The following POLI variants were observed in gnomAD, a reference collection of about 807,000 sequenced individuals.
The protein encoded by POLI is DNA polymerase iota, also known as RAD30 homolog B.
In POLI, 58 loss-of-function variants were observed where a neutral mutation model predicts 51.6. The ratio of observed to expected loss-of-function variants is 1.12; its 90% confidence interval spans 0.91 to 1.40. POLI has a LOEUF of 1.40. Among genes scored for constraint, POLI ranks in the 40% most tolerant of loss-of-function variants. The probability of loss-of-function intolerance (pLI) is 0.00; values close to 1 mark genes in which losing one functional copy is unlikely to be tolerated. For missense variants in POLI, 921 were observed against 871.3 expected (o/e 1.06, Z -0.72); for synonymous variants, 322 against 299.7 (o/e 1.07, Z -0.77).
In POLI at chr18:54,309,084, T is replaced by C. The variant is rs2088632554; in HGVS notation, c.334-11189T>C. On this transcript the variant is annotated intron_variant, in intron 3 of 4. Transcript: ENST00000579823. The stretch of plus-strand genomic sequence containing the variant: ...ACCAACTTTCTGAAGCCTACTTCTG[T>C]CAACTCGTCAAAGTCATTCTCCCTC... 1.3e-5 allele frequency among the ~76,000 whole-genome samples: 2 copies of C among 152,240 alleles called. 1 individual carries two copies. The highest frequency in any genetic ancestry group is 2.9e-5 in the Non-Finnish European group (2 of 68,040).
chr18:54,286,534 CT>C (rs977335566), intron 7 of POLI, among the ~76,000 whole-genome samples: 4 of 151,442 alleles, frequency 2.6e-5, no homozygotes, highest in East Asian at 1.9e-4. Context: ...AAAAAAAAAT[CT>C]TTTTTTTGGT....
chr18:54,317,907 GA>G, intron 3 of POLI, among the ~76,000 whole-genome samples: 1 of 152,164 alleles, frequency 6.6e-6, no homozygotes, highest in Middle Eastern at 3.4e-3. Flanking sequence ...TGAAGATTAA[GA>G]ATTTTTTAGA....
chr18:54,282,758 ATATATT>A, intron 5 of POLI, 73 bp from the exon 6 acceptor site: 1 of 750,102 alleles, frequency 1.3e-6, no homozygotes, highest in Non-Finnish European at 2.1e-6. Flanking sequence ...GATAAGATTG[ATATATT>A]TATAATATTT....
downstream of POLI, among the ~76,000 whole-genome samples, chr18:54,302,292 A>G (rs1409888548): frequency 1.3e-5 from 2 of 152,184 alleles, no homozygotes; most frequent in Non-Finnish European, 2.9e-5. Flanking sequence ...TACTCATTTA[A>G]TCTTCCTGTT....
chr18:54,280,611 G>T (rs903879485), intron 4 of POLI, 56 bp from the exon 5 acceptor site: 1 of 1,168,690 alleles, frequency 8.6e-7, no homozygotes, highest in Non-Finnish European at 1.3e-6. Flanking sequence ...AAATTATTTT[G>T]TGAAAAAGAA....
In POLI at chr18:54,295,656, C is replaced by G; in HGVS notation, c.*1189C>G. On this transcript the variant is annotated 3_prime_UTR_variant, in exon 10 of 10. Transcript: ENST00000579534. ...TCTTTTTTTGTTTTGGAGACAGAGT[C>G]TCACTCTGTCGCCCAGGGTGGAGTA... is the stretch of plus-strand genomic sequence containing the variant. The G allele has an allele frequency of 1.8e-5, 8 of 432,446 alleles. No homozygotes were observed. The highest frequency in any genetic ancestry group is 2.2e-5 in the African/African-American group (1 of 46,296). 26.8% of individuals were successfully genotyped at this position (432,446 alleles called of 1,614,324 possible).
At position 54,280,749 on chromosome 18, in the gene POLI, T is replaced by G. The variant is rs763840371; in HGVS notation, c.642T>G (p.Asn214Lys). 3.1e-6 allele frequency: 5 copies of G among 1,613,872 alleles called. No homozygotes were observed. The highest frequency in any genetic ancestry group is 3.4e-6 in the Non-Finnish European group (4 of 1,179,768). Residue 214 changes from asparagine to lysine, a missense_variant, in exon 5 of 10, where the codon AAT (asparagine) becomes AAG (lysine). Physicochemically the swap from Asn to Lys is moderately conservative, Grantham distance 94. Coordinates refer to ENST00000579534, the MANE Select transcript of POLI (RefSeq NM_007195.3). ...CAGAGATGCGGGAAGCCATGTATAA[T>G]CAGTTGGGGCTCACTGGCTGTGCTG... The part of the protein sequence containing the change: ...IAAEMREAMY[N>K]QLGLTGCAGV...
At chr18:54,287,677 T>C in intron 8 of POLI, 1 of 229,944 alleles carries the variant, frequency 4.3e-6, no homozygotes, top group Non-Finnish European at 8.7e-6. Flanking sequence ...TCTCCCAGGC[T>C]CAAACAATTC....
chr18:54,280,811 C>A lies in POLI; in HGVS notation c.704C>A (p.Ser235Tyr). ...AATAAACTGTTGGCAAAATTAGTTT[C>A]TGGTGTCTTTAAACCAAATCAACAA... ...ASNKLLAKLV[S>Y]GVFKPNQQTV... Residue 235 changes from serine to tyrosine, a missense_variant, in exon 5 of 10, where the codon TCT (serine) becomes TAT (tyrosine). Transcript: ENST00000579534. 6.2e-7 allele frequency: 1 copy of A among 1,613,742 alleles called. No homozygotes were observed. Among genetic ancestry groups the A allele is most frequent in the Non-Finnish European group, 8.5e-7 (1 of 1,179,720 alleles).
intron 3 of POLI, among the ~76,000 whole-genome samples, chr18:54,310,035 G>A (rs554678981): frequency 6.6e-6 from 1 of 152,296 alleles, no homozygotes; most frequent in African/African-American, 2.4e-5. Context: ...CCGGCCCCTT[G>A]TGCTTCCCAG....
intron 5 of POLI, among the ~76,000 whole-genome samples, chr18:54,282,520 A>G (rs1312130391): frequency 6.6e-6 from 1 of 152,168 alleles, no homozygotes; most frequent in Non-Finnish European, 1.5e-5. Context: ...CCACATTCAC[A>G]TAACTTGTAT....
Position 54,277,863 on chromosome 18 carries a change from G to A in POLI, c.559+8G>A. 1.3e-6 allele frequency: 2 copies of A among 1,593,824 alleles called. No homozygotes were observed. Among genetic ancestry groups the A allele is most frequent in the South Asian group, 2.3e-5 (2 of 88,560 alleles). On this transcript the variant is annotated splice_region_variant and intron_variant, in intron 4 of 9. Transcript: ENST00000579534. ...ATGTATACAATAATCAGTGTGAGTG[G>A]GTTCTTATTCATTCTACCTACTAAC...
At position 54,277,963 on chromosome 18, in the gene POLI, G is replaced by A. The variant is rs529767325; in HGVS notation, c.559+108G>A. ...GAAAGATTCATGACTTTTGTTGGAG[G>A]TATAGTTATATTTAGTCAGTAATCT... On this transcript the variant is annotated intron_variant, in intron 4 of 9. Transcript: ENST00000579534. The A allele has an allele frequency of 2.1e-4, 171 of 808,918 alleles. 2 individuals carry two copies. In the South Asian group the frequency reaches 3.1e-3, roughly 15 times the overall value. 50.1% of individuals were successfully genotyped at this position (808,918 alleles called of 1,614,324 possible).
chr18:54,282,896 C>T lies in POLI; in HGVS notation c.856C>T (p.Leu286Phe). The T allele has an allele frequency of 6.3e-7, 1 of 1,587,840 alleles. No homozygotes were observed. Among genetic ancestry groups the T allele is most frequent in the Non-Finnish European group, 8.6e-7 (1 of 1,165,514 alleles). Residue 286 changes from leucine (L) to phenylalanine (F), a missense_variant, in exon 6 of 10, where the codon CTC (leucine) becomes TTC (phenylalanine). Leu to Phe is a conservative substitution (Grantham distance 22). Transcript: ENST00000579534. Reference sequence around the variant, plus strand: ...ACTGGGTATCAATAGTGTGCGTGATCTCCAAACCTTTTCACCCAAAATTTT... The same window carrying T: ...ACTGGGTATCAATAGTGTGCGTGATTTCCAAACCTTTTCACCCAAAATTTT... Reference protein sequence around the residue: ...EALGINSVRDLQTFSPKILEK... With the variant: ...EALGINSVRDFQTFSPKILEK...
chr18:54,295,569 C>A lies in POLI; in HGVS notation c.*1102C>A, dbSNP rs139630329. 9.7e-5 allele frequency: 78 copies of A among 804,912 alleles called. 1 individual carries two copies. In the African/African-American group the frequency reaches 1.3e-3, roughly 14 times the overall value. The allele number at this position is 804,912 out of a possible 1,614,324, so 49.9% of individuals were successfully genotyped here. ...GAAGAGACTTTAAAAATAAAGTACA[C>A]AAATATGAACCAAAGAGTAGCTTAA... is the stretch of plus-strand genomic sequence containing the variant. On this transcript the variant is annotated 3_prime_UTR_variant, in exon 10 of 10. Transcript: ENST00000579534.
At position 54,312,296 on chromosome 18, in the gene POLI, T is replaced by C. The variant is rs2088678492; in HGVS notation, c.334-7977T>C. ...AAGGACATGACTTTGTTCTTTTTTA[T>C]GGCTGTGTAGTATTCCATGGTGTAT... On this transcript the variant is annotated intron_variant, in intron 3 of 4. Coordinates refer to the POLI transcript ENST00000579823. 2.0e-5 allele frequency among the ~76,000 whole-genome samples: 3 copies of C among 152,224 alleles called. No homozygotes were observed. The South Asian group carries it at 6.2e-4, about 32-fold the overall frequency.
At chr18:54,313,720 T>C (rs966580819) in intron 3 of POLI, among the ~76,000 whole-genome samples, 7 of 152,196 alleles carry the variant, frequency 4.6e-5, no homozygotes, top group African/African-American at 1.7e-4. Context: ...GTAGCTATTG[T>C]GAATGGGATT....
chr18:54,320,314 A>C (rs1360037103), exon 4 of POLI: 1 of 152,148 alleles, frequency 6.6e-6, no homozygotes, highest in Non-Finnish European at 1.5e-5. Flanking sequence ...TCTCATGCAA[A>C]GAAGGCTGGA....
chr18:54,297,016 T>C lies in POLI; in HGVS notation c.*2549T>C. On this transcript the variant is annotated 3_prime_UTR_variant, in exon 10 of 10. Transcript: ENST00000579534. ...AAATTGTGTATGTTTTCCTTCAGTA[T>C]GATTTGAGTTCGTTGCTTCTCTGGG... 1 of 985,416 alleles carries C rather than the reference T, an allele frequency of 1.0e-6. No individual in the cohort carries two copies. Among genetic ancestry groups the C allele is most frequent in the Non-Finnish European group, 1.2e-6 (1 of 829,904 alleles). 61.0% of individuals were successfully genotyped at this position (985,416 alleles called of 1,614,324 possible).
Sources: gnomAD v4.1 joint callset for allele counts (sites outside exome capture counted in the v4.1 genomes callset) on GRCh38, gnomAD v4.1.1 for gene constraint, MANE v1.5 for transcripts, NCBI Gene and HGNC (gene_info 2026-07-23, HGNC 2026-07-21) for gene names.